ENOX1: variants seen among roughly 807,000 people sequenced by gnomAD.
ENOX1 encodes the protein ecto-NOX disulfide-thiol exchanger 1, also known as candidate growth-related and time keeping constitutive hydroquinone (NADH) oxidase.
Under a neutral mutation model 82.5 loss-of-function variants are expected in ENOX1, and 42 were observed. The ratio of observed to expected loss-of-function variants is 0.51; its 90% confidence interval spans 0.40 to 0.66. The LOEUF is 0.66. Among genes scored for constraint, ENOX1 ranks in the 30% least tolerant of loss-of-function variants. The pLI, the probability that ENOX1 is intolerant of heterozygous loss-of-function variation, is 0.00. For missense variants in ENOX1, 608 were observed against 811.6 expected, an observed-to-expected ratio of 0.75 and a Z score of 3.05; for synonymous variants, 271 against 282.2, an observed-to-expected ratio of 0.96 and a Z score of 0.40.
chr13:43,239,913 T>C (rs1249881430), intron 14 of ENOX1, among the ~76,000 whole-genome samples: 1 of 152,232 alleles, frequency 6.6e-6, no homozygotes, highest in African/African-American at 2.4e-5. Context: ...TTGATTTGTC[T>C]GTATTTATAT....
chr13:43,599,932 T>G (rs528282784), intron 2 of ENOX1, among the ~76,000 whole-genome samples: 1 of 151,780 alleles, frequency 6.6e-6, no homozygotes, highest in Admixed American at 6.6e-5. Flanking sequence ...TCTAGACACA[T>G]TCTGGGCCAG....
Position 43,638,832 on chromosome 13 carries a change from C to T in ENOX1, c.-219+28647G>A, listed in dbSNP as rs987671399. On this transcript the variant is annotated intron_variant, in intron 2 of 16. Transcript: ENST00000690772. The stretch of plus-strand genomic sequence containing the variant: ...TATATCTAAATATTGGATTTTAAAA[C>T]CACTTTTGATGGATGGCATTACATG... Among the ~76,000 whole-genome samples the T allele has an allele frequency of 1.8e-4, 28 of 152,102 alleles. 1 individual carries two copies. The highest frequency in any genetic ancestry group is 6.8e-4 in the African/African-American group (28 of 41,414).
chr13:43,553,063 T>C (rs1198718050), intron 2 of ENOX1, among the ~76,000 whole-genome samples: 14 of 151,456 alleles, frequency 9.2e-5, no homozygotes, highest in Non-Finnish European at 1.8e-4. Context: ...GGAGTGGAGA[T>C]GGGGGTTGGG....
At chr13:43,603,346 C>G (rs2081815893) in intron 2 of ENOX1, among the ~76,000 whole-genome samples, 1 of 149,268 alleles carries the variant, frequency 6.7e-6, no homozygotes, top group African/African-American at 2.5e-5. Flanking sequence ...CAAAATGGTT[C>G]CAGCTGCTTT....
chr13:43,542,333 C>T (rs956683682), intron 2 of ENOX1, among the ~76,000 whole-genome samples: 11 of 151,272 alleles, frequency 7.3e-5, no homozygotes, highest in Admixed American at 4.6e-4. Context: ...AGGGTTTCAC[C>T]GTGTTAGCCA....
At chr13:43,302,282 T>C (rs1429187065) in intron 11 of ENOX1, among the ~76,000 whole-genome samples, 1 of 152,184 alleles carries the variant, frequency 6.6e-6, no homozygotes, top group African/African-American at 2.4e-5. Context: ...TGTGATTAAA[T>C]ATTTTGTTGG....
chr13:43,317,107 G>T (rs1408418528), intron 11 of ENOX1, among the ~76,000 whole-genome samples: 3 of 152,198 alleles, frequency 2.0e-5, no homozygotes, highest in Non-Finnish European at 4.4e-5. Flanking sequence ...CTGCCCTTGG[G>T]GTCTGCTGGC....
intron 3 of ENOX1, among the ~76,000 whole-genome samples, chr13:43,477,500 C>T (rs1175898571): frequency 1.3e-5 from 2 of 152,010 alleles, no homozygotes; most frequent in East Asian, 3.8e-4. Context: ...TGAGAATATA[C>T]AAGGCTGATT....
chr13:43,318,830 G>A (rs1187900007), intron 11 of ENOX1, among the ~76,000 whole-genome samples: 4 of 152,184 alleles, frequency 2.6e-5, no homozygotes, highest in African/African-American at 9.7e-5. Flanking sequence ...TGCCTTGCAT[G>A]CATTGACTTA....
chr13:43,649,895 C>A (rs1284594695), intron 2 of ENOX1, among the ~76,000 whole-genome samples: 1 of 152,214 alleles, frequency 6.6e-6, no homozygotes, highest in Admixed American at 6.5e-5. Flanking sequence ...TTCCTGGGAT[C>A]CCCTCCTCAG....
intron 14 of ENOX1, among the ~76,000 whole-genome samples, chr13:43,237,891 G>A (rs573580981): frequency 5.8e-4 from 89 of 152,292 alleles, no homozygotes; most frequent in African/African-American, 2.1e-3. Flanking sequence ...TAATCCAGGG[G>A]TAATTAGAAA....
intron 3 of ENOX1, among the ~76,000 whole-genome samples, chr13:43,460,976 T>C (rs2057460393): frequency 6.6e-6 from 1 of 152,160 alleles, no homozygotes; most frequent in African/African-American, 2.4e-5. Flanking sequence ...TAAGCAGCTA[T>C]GTACAACAAT....
At chr13:43,505,939 G>A (rs1430085613) in intron 2 of ENOX1, among the ~76,000 whole-genome samples, 1 of 152,028 alleles carries the variant, frequency 6.6e-6, no homozygotes, top group Non-Finnish European at 1.5e-5. Flanking sequence ...TAAGGTGTAA[G>A]GAAGGGATCC....
intron 2 of ENOX1, among the ~76,000 whole-genome samples, chr13:43,653,887 A>G (rs1057480894): frequency 6.6e-6 from 1 of 152,226 alleles, no homozygotes; most frequent in Non-Finnish European, 1.5e-5. Context: ...AAGTGCCAGT[A>G]AAAATGCCAC....
chr13:43,213,421 G>C lies in ENOX1; in HGVS notation c.*569C>G, dbSNP rs1046385503. The C allele has an allele frequency of 6.6e-6, 1 of 151,850 alleles. No homozygotes were observed. The highest frequency in any genetic ancestry group is 1.5e-5 in the Non-Finnish European group (1 of 67,982). The allele number at this position is 151,850 out of a possible 1,614,324, so 9.4% of individuals were successfully genotyped here. On this transcript the variant is annotated 3_prime_UTR_variant, in exon 17 of 17. Coordinates refer to ENST00000690772, the MANE Select transcript of ENOX1 (RefSeq NM_001347969.2). ...CTCTTCAATAAGGCAAAAGTCCCTG[G>C]AACAGCATATAACTTAATTTACAAA...
At chr13:43,358,426 G>T (rs890177290) in intron 7 of ENOX1, among the ~76,000 whole-genome samples, 1 of 128,612 alleles carries the variant, frequency 7.8e-6, no homozygotes, top group African/African-American at 2.9e-5. Context: ...ATACATGAGG[G>T]TTCTGCAGGA....
At chr13:43,702,496 T>A (rs1024828844) in intron 1 of ENOX1, among the ~76,000 whole-genome samples, 8 of 152,206 alleles carry the variant, frequency 5.3e-5, no homozygotes, top group Admixed American at 5.2e-4. Context: ...GAACGGGGCA[T>A]GCTGAATTCC....
At position 43,752,866 on chromosome 13, in the gene ENOX1, T is replaced by C. The variant is rs865830658; in HGVS notation, c.-285+33786A>G. On this transcript the variant is annotated intron_variant, in intron 1 of 16. Transcript: ENST00000690772. ...TTCCAGGTTCATTGCATTTCTTTTTTTTTTTTCTTTTGAGACAGAGTCTCA... is the reference window on the plus strand; with the variant it reads ...TTCCAGGTTCATTGCATTTCTTTTTCTTTTTTCTTTTGAGACAGAGTCTCA... 3.9e-5 allele frequency among the ~76,000 whole-genome samples: 6 copies of C among 152,208 alleles called. No individual in the cohort carries two copies. In the Middle Eastern group the frequency reaches 0.017, roughly 431 times the overall value.
At chr13:43,308,890 G>A (rs2047022455) in intron 11 of ENOX1, among the ~76,000 whole-genome samples, 3 of 152,156 alleles carry the variant, frequency 2.0e-5, no homozygotes, top group Admixed American at 1.3e-4. Context: ...CAGTCTTATT[G>A]AGGAACTCTC....
Sources: allele counts gnomAD v4.1 joint callset (sites outside exome capture counted in the v4.1 genomes callset), GRCh38; gene constraint gnomAD v4.1.1; transcripts MANE v1.5; gene names NCBI Gene and HGNC (gene_info 2026-07-23, HGNC 2026-07-21).